Variants in ALS2 observed in about 807,000 individuals in gnomAD.
The protein encoded by ALS2 is alsin Rho guanine nucleotide exchange factor ALS2, also known as alsin.
ALS2 carries 117 observed loss-of-function variants against 203.4 expected under a neutral mutation model. The observed-to-expected ratio is 0.58, with a 90% CI of 0.50 to 0.67. The LOEUF (loss-of-function observed/expected upper bound fraction) is 0.67, where lower values mean the gene tolerates loss of function less well. Among genes scored for constraint, ALS2 ranks in the 30% least tolerant of loss-of-function variants. ALS2 has a pLI of 0.00. For missense variants in ALS2, 1,715 were observed against 1,989.4 expected, an observed-to-expected ratio of 0.86 and a Z score of 2.62; for synonymous variants, 718 against 725.9, an observed-to-expected ratio of 0.99 and a Z score of 0.17.
chr2:201,763,214 A>T (rs753125606), intron 3 of ALS2: 11 of 196,062 alleles, frequency 5.6e-5, no homozygotes, highest in Non-Finnish European at 1.1e-4. Flanking sequence ...GGGGAACAAG[A>T]TCAGCAAGCA....
At position 201,756,130 on chromosome 2, in the gene ALS2, T is replaced by C. The variant is rs1038469184; in HGVS notation, c.1471+1272A>G. On this transcript the variant is annotated intron_variant, in intron 5 of 33. Coordinates refer to ENST00000264276, the MANE Select transcript of ALS2 (RefSeq NM_020919.4). ...TAACCATAGGATATAAGTCTATTAGTGGGATTCATGATGTAATGATATGAA... is the reference window on the plus strand; with the variant it reads ...TAACCATAGGATATAAGTCTATTAGCGGGATTCATGATGTAATGATATGAA... Among the ~76,000 whole-genome samples the C allele has an allele frequency of 1.2e-3, 186 of 152,064 alleles. 2 individuals carry two copies. Among genetic ancestry groups the C allele is most frequent in the African/African-American group, 4.3e-3 (179 of 41,404 alleles).
intron 2 of ALS2, among the ~76,000 whole-genome samples, chr2:201,768,663 A>G (rs1460956538): frequency 6.6e-6 from 1 of 152,234 alleles, no homozygotes; most frequent in East Asian, 1.9e-4. Context: ...TGATGAAATG[A>G]AGACATTTAG....
intron 28 of ALS2, 44 bp downstream of exon 28, chr2:201,707,825 G>C: frequency 6.2e-7 from 1 of 1,605,822 alleles, no homozygotes; most frequent in Non-Finnish European, 8.5e-7. Flanking sequence ...AGATCATCTA[G>C]TCACCATTCC....
At chr2:201,770,869 G>A (rs1464095739) in intron 1 of ALS2, among the ~76,000 whole-genome samples, 3 of 152,110 alleles carry the variant, frequency 2.0e-5, no homozygotes, top group Non-Finnish European at 4.4e-5. Context: ...CAGCCATGCC[G>A]ACACCTTGAC....
At chr2:201,769,063 A>G in intron 1 of ALS2, 118 bp from the exon 2 acceptor site, 3 of 547,226 alleles carry the variant, frequency 5.5e-6, no homozygotes, top group South Asian at 5.5e-5. Context: ...ATATGCAGTA[A>G]AACTATTTAA....
Position 201,701,841 on chromosome 2 carries a change from G to C in ALS2, c.*10C>G, listed in dbSNP as rs774444096. Reference sequence around the variant, plus strand: ...TAGTAGATAATCCAGTTTTCAAGCTGTTATGCAGCCTAGTTAAGCTTCTCA... The same window carrying C: ...TAGTAGATAATCCAGTTTTCAAGCTCTTATGCAGCCTAGTTAAGCTTCTCA... On this transcript the variant is annotated 3_prime_UTR_variant, in exon 34 of 34. Coordinates refer to ENST00000264276, the MANE Select transcript of ALS2 (RefSeq NM_020919.4). 20 of 1,613,258 alleles carry C rather than the reference G, an allele frequency of 1.2e-5. No individual in the cohort carries two copies. Among genetic ancestry groups the C allele is most frequent in the Non-Finnish European group, 1.7e-5 (20 of 1,179,532 alleles).
intron 10 of ALS2, among the ~76,000 whole-genome samples, chr2:201,742,363 C>A (rs1692335448): frequency 6.6e-6 from 1 of 152,208 alleles, no homozygotes; most frequent in Admixed American, 6.5e-5. Context: ...AGAAGGCAAT[C>A]CAAACATTGG....
chr2:201,713,675 C>T (rs774254628), intron 25 of ALS2, among the ~76,000 whole-genome samples: 3 of 152,242 alleles, frequency 2.0e-5, no homozygotes, highest in Non-Finnish European at 2.9e-5. Context: ...TTCTTTATAT[C>T]TTCTGTTTCT....
In ALS2 at chr2:201,746,699, G is replaced by A. The variant is rs1439273774; in HGVS notation, c.1865C>T (p.Ser622Phe). 1.9e-6 allele frequency: 3 copies of A among 1,613,960 alleles called. No homozygotes were observed. The highest frequency in any genetic ancestry group is 2.5e-6 in the Non-Finnish European group (3 of 1,180,016). Residue 622 changes from serine (S) to phenylalanine (F), a missense_variant, in exon 9 of 34, where the codon TCC becomes TTC. Ser to Phe is a radical substitution (Grantham distance 155). Transcript: ENST00000264276. ...GTCTTCTGTATCCACTAAAAACAGG[G>A]AATAATCCCTGCCTGCAGCTATGCT... Reference protein sequence around the residue: ...VWSIAAGRDYSLFLVDTEDFQ... With the variant: ...VWSIAAGRDYFLFLVDTEDFQ...
Position 201,757,655 on chromosome 2 carries a change from T to C in ALS2, c.1218A>G (p.Arg406=). Residue 406 remains arginine, a synonymous_variant, in exon 5 of 34, where the codon AGA becomes AGG. Transcript: ENST00000264276. ...VVSCASAVGV[R]VAATYEAGAL... is the part of the protein sequence containing the mutation. The stretch of plus-strand genomic sequence containing the variant: ...CACCAGCTTCATAAGTAGCAGCCAC[T>C]CTCACACCAACAGCAGATGCACAAG... The C allele has an allele frequency of 1.2e-6, 2 of 1,614,142 alleles. No individual in the cohort carries two copies. Among genetic ancestry groups the C allele is most frequent in the Non-Finnish European group, 1.7e-6 (2 of 1,180,020 alleles).
In ALS2 at chr2:201,701,626, G is replaced by A; in HGVS notation, c.*225C>T. On this transcript the variant is annotated 3_prime_UTR_variant, in exon 34 of 34. Coordinates refer to ENST00000264276, the MANE Select transcript of ALS2 (RefSeq NM_020919.4). ...TGGAACTTATCATAGGCCAAGAACT[G>A]GTCTAATCTGATTTTTTACCTCCCT... 1.8e-6 allele frequency: 1 copy of A among 549,686 alleles called. No individual in the cohort carries two copies. Among genetic ancestry groups the A allele is most frequent in the East Asian group, 3.0e-5 (1 of 33,228 alleles). 34.1% of individuals were successfully genotyped at this position (549,686 alleles called of 1,614,324 possible). A position where few individuals can be genotyped will look rare whatever the true frequency, so the allele number is the denominator to read the frequency against.
At chr2:201,730,714 C>T (rs969718243) in intron 13 of ALS2, among the ~76,000 whole-genome samples, 1 of 152,166 alleles carries the variant, frequency 6.6e-6, no homozygotes, top group South Asian at 2.1e-4. Context: ...TGAAAAACTG[C>T]CACACTTCAG....
At chr2:201,728,001 T>C (rs1482148621) in intron 15 of ALS2, among the ~76,000 whole-genome samples, 1 of 152,176 alleles carries the variant, frequency 6.6e-6, no homozygotes, top group Non-Finnish European at 1.5e-5. Flanking sequence ...CCTCTTCACA[T>C]GGCTGACACT....
rs768579257 is a variant in ALS2, at chr2:201,723,012, G to C, written c.3702+31C>G. ...AAAAAATTAGTAAAAGAATTTATTAGGGAGAAAAAAAAAGAAAGCTAGTTT... is the reference window on the plus strand; with the variant it reads ...AAAAAATTAGTAAAAGAATTTATTACGGAGAAAAAAAAAGAAAGCTAGTTT... On this transcript the variant is annotated intron_variant, in intron 23 of 33. Transcript: ENST00000264276. The C allele has an allele frequency of 4.0e-6, 6 of 1,506,968 alleles. No individual in the cohort carries two copies. In the South Asian group the frequency reaches 7.2e-5, roughly 18 times the overall value. The allele number at this position is 1,506,968 out of a possible 1,614,324, so 93.3% of individuals were successfully genotyped here.
At chr2:201,756,318 A>G (rs10175160) in intron 5 of ALS2, among the ~76,000 whole-genome samples, 25,576 of 151,132 alleles carry the variant, frequency 0.17, 2,491 homozygotes, top group East Asian at 0.4. Context: ...ATATATATAC[A>G]TATATATTCA....
intron 10 of ALS2, among the ~76,000 whole-genome samples, chr2:201,743,711 A>G (rs1226489243): frequency 2.0e-5 from 3 of 152,126 alleles, no homozygotes; most frequent in Non-Finnish European, 4.4e-5. Flanking sequence ...TCCTGACCTC[A>G]TGATCTGCCC....
intron 8 of ALS2, 131 bp downstream of exon 8, chr2:201,749,581 T>G (rs1449545286): frequency 2.2e-6 from 2 of 889,962 alleles, no homozygotes; most frequent in African/African-American, 1.7e-5. Flanking sequence ...AAAAATTTTC[T>G]TATGAAAACC....
chr2:201,704,269 C>T, intron 32 of ALS2, 51 bp from the exon 33 acceptor site: 1 of 1,554,610 alleles, frequency 6.4e-7, no homozygotes, highest in Non-Finnish European at 8.9e-7. Context: ...CATGTCCATT[C>T]TCCTTTTGAA....
chr2:201,764,658 T>C (rs1336148982), intron 3 of ALS2, among the ~76,000 whole-genome samples: 1 of 150,598 alleles, frequency 6.6e-6, no homozygotes, highest in East Asian at 1.9e-4. Context: ...AATAAATAAA[T>C]AAATAAATAA....
Sources: gnomAD v4.1 joint callset for allele counts (sites outside exome capture counted in the v4.1 genomes callset) on GRCh38, gnomAD v4.1.1 for gene constraint, MANE v1.5 for transcripts, NCBI Gene and HGNC (gene_info 2026-07-23, HGNC 2026-07-21) for gene names.